The following YTHDF2 variants were observed in gnomAD, a reference collection of about 807,000 sequenced individuals.
YTHDF2 encodes the protein YTH domain-containing family protein 2.
A neutral mutation model predicts 50.4 loss-of-function variants in YTHDF2; 2 were observed. The ratio of observed to expected loss-of-function variants is 0.04; its 90% CI spans 0.02 to 0.12. YTHDF2 has a LOEUF of 0.12. Among genes scored for constraint, YTHDF2 ranks in the 10% least tolerant of loss-of-function variants. The pLI is 1.00. For missense variants in YTHDF2, 483 were observed against 722.6 expected (o/e 0.67, Z 3.80); for synonymous variants, 217 against 255.6 (o/e 0.85, Z 1.44).
chr1:28,759,738 G>A (rs1353875885), intron 4 of YTHDF2, among the ~76,000 whole-genome samples: 2 of 151,928 alleles, frequency 1.3e-5, no homozygotes, highest in Non-Finnish European at 2.9e-5. Context: ...GGTGGATTAC[G>A]TGAGGCCAGG....
intron 4 of YTHDF2, among the ~76,000 whole-genome samples, chr1:28,757,000 C>G (rs2088044827): frequency 6.6e-6 from 1 of 152,218 alleles, no homozygotes; most frequent in Non-Finnish European, 1.5e-5. Context: ...TTGCTTCTTT[C>G]TCCTACACAA....
Position 28,742,662 on chromosome 1 carries a change from T to A in YTHDF2, c.392T>A (p.Phe131Tyr). ...GFNFFPSGID[F>Y]SAWGNNSSQG... ...AATTTCTTTCCCAGTGGGATTGACT[T>A]CTCAGCATGGGGAAATAACAGTTCT... is the stretch of plus-strand genomic sequence containing the variant. Residue 131 changes from phenylalanine to tyrosine, a missense_variant, in exon 4 of 5, where the codon TTC (phenylalanine) becomes TAC (tyrosine). Around this residue, in one of 4 missense-constraint regions of YTHDF2, gnomAD observed 385 missense variants for 475.8 expected, o/e 0.81. Coordinates refer to ENST00000373812, the MANE Select transcript of YTHDF2 (RefSeq NM_016258.3). 1 of 1,614,142 alleles carries A rather than the reference T, an allele frequency of 6.2e-7. No individual in the cohort carries two copies. Among genetic ancestry groups the A allele is most frequent in the Non-Finnish European group, 8.5e-7 (1 of 1,180,014 alleles).
chr1:28,760,230 AAGTAT>A (rs1426984571), intron 4 of YTHDF2, among the ~76,000 whole-genome samples: 12 of 152,214 alleles, frequency 7.9e-5, no homozygotes, highest in African/African-American at 2.9e-4. Context: ...TAATGATTAA[AAGTAT>A]AGTATAGTAA....
chr1:28,752,521 C>T (rs564511918), intron 4 of YTHDF2, among the ~76,000 whole-genome samples: 2 of 152,234 alleles, frequency 1.3e-5, no homozygotes, highest in South Asian at 4.2e-4. Context: ...GTCTCGAACC[C>T]CTGACCTTGT....
Position 28,768,046 on chromosome 1 carries a change from G to A in YTHDF2, c.1717-883G>A, listed in dbSNP as rs6686595. On this transcript the variant is annotated intron_variant, in intron 4 of 4. Transcript: ENST00000373812. ...TGAAACCCCGTCTCTACTAAAAATA[G>A]AAAAAATTAGCCAGGCATGGTGGCG... Among the ~76,000 whole-genome samples the A allele has an allele frequency of 2.7e-5, 4 of 150,910 alleles. No homozygotes were observed. The South Asian group carries it at 8.4e-4, about 32-fold the overall frequency.
At chr1:28,751,961 C>A (rs778164576) in intron 4 of YTHDF2, among the ~76,000 whole-genome samples, 1 of 152,194 alleles carries the variant, frequency 6.6e-6, no homozygotes, top group African/African-American at 2.4e-5. Flanking sequence ...ATAGTACACA[C>A]AGAAGCTTAG....
chr1:28,743,470 C>G lies in YTHDF2; in HGVS notation c.1200C>G (p.Pro400=). ...EKLRSINNYN[P]KDFDWNLKHG... ...TTCGGTCCATTAATAACTATAACCC[C>G]AAAGATTTTGACTGGAATCTGAAAC... Residue 400 remains proline (P), a synonymous_variant, in exon 4 of 5, where the codon CCC becomes CCG. Transcript: ENST00000373812. This position sits in a 1 kb window ranked among gnomAD's most constrained non-coding sequence, Gnocchi z 6.9. The G allele has an allele frequency of 1.9e-6, 3 of 1,614,144 alleles. No individual in the cohort carries two copies. Among genetic ancestry groups the G allele is most frequent in the Non-Finnish European group, 2.5e-6 (3 of 1,180,028 alleles).
upstream of YTHDF2, chr1:28,736,912 A>C: frequency 1.7e-6 from 1 of 577,490 alleles, no homozygotes. Flanking sequence ...GCGTAAAAGC[A>C]TAGAGACGGG....
chr1:28,751,955 TACAC>T (rs2087959948), intron 4 of YTHDF2, among the ~76,000 whole-genome samples: 1 of 152,206 alleles, frequency 6.6e-6, no homozygotes, highest in Non-Finnish European at 1.5e-5. Flanking sequence ...TGGCACATAG[TACAC>T]ACAGAAGCTT....
chr1:28,747,119 T>C (rs2087875775), intron 4 of YTHDF2, among the ~76,000 whole-genome samples: 1 of 152,212 alleles, frequency 6.6e-6, no homozygotes, highest in Non-Finnish European at 1.5e-5. Flanking sequence ...GTATGTATTT[T>C]GATTATGTTT....
At chr1:28,747,835 G>T (rs367706448) in intron 4 of YTHDF2, among the ~76,000 whole-genome samples, 72 of 151,584 alleles carry the variant, frequency 4.7e-4, no homozygotes, top group African/African-American at 1.7e-3. Flanking sequence ...TGTAAGAACT[G>T]CTGGCACTGG....
At chr1:28,753,600 A>G (rs904010569) in intron 4 of YTHDF2, among the ~76,000 whole-genome samples, 1 of 151,722 alleles carries the variant, frequency 6.6e-6, no homozygotes. Context: ...GAGAATGCTT[A>G]TGGTATGTTT....
intron 4 of YTHDF2, among the ~76,000 whole-genome samples, chr1:28,766,028 T>A (rs1470597019): frequency 6.6e-6 from 1 of 152,234 alleles, no homozygotes; most frequent in Non-Finnish European, 1.5e-5. Flanking sequence ...ATGTCCTTGA[T>A]AGCAATTTTT....
chr1:28,762,544 A>C (rs1477670782), intron 4 of YTHDF2, among the ~76,000 whole-genome samples: 1 of 152,200 alleles, frequency 6.6e-6, no homozygotes, highest in Non-Finnish European at 1.5e-5. Context: ...ATTTTGTGGG[A>C]GAGATAAACA....
intron 4 of YTHDF2, among the ~76,000 whole-genome samples, chr1:28,748,854 C>G (rs1379931771): frequency 6.6e-6 from 1 of 152,100 alleles, no homozygotes; most frequent in Non-Finnish European, 1.5e-5. Context: ...CTATAATTTA[C>G]CAATCCCTAA....
chr1:28,746,003 C>T (rs966549035), intron 4 of YTHDF2, among the ~76,000 whole-genome samples: 1 of 152,174 alleles, frequency 6.6e-6, no homozygotes, highest in African/African-American at 2.4e-5. Flanking sequence ...TGCATCACTG[C>T]ACTCCAGCAG....
At chr1:28,753,592 G>A (rs1038194917) in intron 4 of YTHDF2, among the ~76,000 whole-genome samples, 1 of 151,808 alleles carries the variant, frequency 6.6e-6, no homozygotes, top group Non-Finnish European at 1.5e-5. Flanking sequence ...ATAGTCTTGA[G>A]AATGCTTATG....
At chr1:28,747,790 A>T (rs1306966533) in intron 4 of YTHDF2, among the ~76,000 whole-genome samples, 1 of 151,574 alleles carries the variant, frequency 6.6e-6, no homozygotes, top group Non-Finnish European at 1.5e-5. Context: ...GGCTTCAATT[A>T]TACTTCTGTC....
chr1:28,764,381 C>T (rs575687451), intron 4 of YTHDF2, among the ~76,000 whole-genome samples: 3 of 152,236 alleles, frequency 2.0e-5, no homozygotes, highest in Admixed American at 2.0e-4. Context: ...AAGCAGTTCT[C>T]TGCCTCAGCC....
Sources: gnomAD v4.1 joint callset for allele counts (sites outside exome capture counted in the v4.1 genomes callset) on GRCh38, gnomAD v4.1.1 for gene constraint, gnomAD v4.1.1 regional missense constraint, Gnocchi (gnomAD v3.1) non-coding constraint, MANE v1.5 for transcripts, NCBI Gene and HGNC (gene_info 2026-07-23, HGNC 2026-07-21) for gene names.